Variants in ZFP3 observed in about 807,000 individuals in gnomAD.
ZFP3 encodes ZFP3 zinc finger protein.
Under a neutral mutation model 36.7 loss-of-function variants are expected in ZFP3, and 18 were observed. The ratio of observed to expected loss-of-function variants is 0.49; its 90% CI spans 0.34 to 0.73. The LOEUF (loss-of-function observed/expected upper bound fraction) is 0.73, where lower values mean the gene tolerates loss of function less well. Ranked by LOEUF, ZFP3 falls within the 30% of genes least tolerant of loss-of-function variation. ZFP3 has a pLI of 0.01. For synonymous variants in ZFP3, 218 were observed against 199.0 expected (o/e 1.10, Z -0.81); for missense variants, 495 against 599.0 (o/e 0.83, Z 1.81).
intron 1 of ZFP3, among the ~76,000 whole-genome samples, chr17:5,081,950 G>A (rs1314318322): frequency 2.0e-5 from 3 of 146,830 alleles, no homozygotes; most frequent in African/African-American, 7.4e-5. Flanking sequence ...GGTGGCTCAC[G>A]CCTGTAATCC....
chr17:5,088,551 T>A (rs1055843019), intron 1 of ZFP3, among the ~76,000 whole-genome samples: 2 of 151,550 alleles, frequency 1.3e-5, no homozygotes, highest in Admixed American at 1.3e-4. Context: ...CCTGATCTCG[T>A]GATCCTCCCG....
At position 5,093,668 on chromosome 17, in the gene ZFP3, C is replaced by T. The variant is rs937438445; in HGVS notation, c.*655C>T. 11 of 167,078 alleles carry T rather than the reference C, an allele frequency of 6.6e-5. No homozygotes were observed. The highest frequency in any genetic ancestry group is 1.3e-4 in the Non-Finnish European group (9 of 68,138). The allele number at this position is 167,078 out of a possible 1,614,324, so 10.3% of individuals were successfully genotyped here. ...AGTAAGCTGTTATTAGCTTCAAAGT[C>T]GTCCAGCCCTGCTATGAAGTTACTT... On this transcript the variant is annotated 3_prime_UTR_variant, in exon 2 of 2. Coordinates refer to ENST00000318833, the MANE Select transcript of ZFP3 (RefSeq NM_153018.3).
At chr17:5,082,028 A>G (rs1489643816) in intron 1 of ZFP3, among the ~76,000 whole-genome samples, 1 of 146,854 alleles carries the variant, frequency 6.8e-6, no homozygotes. Context: ...CCTGGCCAAC[A>G]TGGTGAAACC....
At chr17:5,086,724 C>CCTT (rs2072123044) in intron 1 of ZFP3, among the ~76,000 whole-genome samples, 1 of 110,668 alleles carries the variant, frequency 9.0e-6, no homozygotes, top group African/African-American at 3.7e-5. Context: ...CATTTTCTTT[C>CCTT]TTTTTTTTTT....
At position 5,093,255 on chromosome 17, in the gene ZFP3, G is replaced by C; in HGVS notation, c.*242G>C. ...TGCAGTGGCACAGTCGTAACTCACT[G>C]CTTCCTTGAACTCCTGGGCTCAAAC... On this transcript the variant is annotated 3_prime_UTR_variant, in exon 2 of 2. Coordinates refer to ENST00000318833, the MANE Select transcript of ZFP3 (RefSeq NM_153018.3). 1 of 419,728 alleles carries C rather than the reference G, an allele frequency of 2.4e-6. No homozygotes were observed. Among genetic ancestry groups the C allele is most frequent in the East Asian group, 3.9e-5 (1 of 25,354 alleles). The allele number at this position is 419,728 out of a possible 1,614,324, so 26.0% of individuals were successfully genotyped here.
chr17:5,092,679 C>T lies in ZFP3; in HGVS notation c.1175C>T (p.Pro392Leu). 1 of 1,614,094 alleles carries T rather than the reference C, an allele frequency of 6.2e-7. No homozygotes were observed. The highest frequency in any genetic ancestry group is 8.5e-7 in the Non-Finnish European group (1 of 1,180,022). The change falls in exon 2 of 2, where the codon CCC becomes CTC. Residue 392 changes from proline (P) to leucine (L), a missense_variant. Transcript: ENST00000318833. The surrounding 1 kb of genome is among the most constrained non-coding windows in gnomAD (Gnocchi z 5.0). ...RHERIHTGEK[P>L]YECFECGKAF... ...GAGAGAATTCACACTGGAGAGAAAC[C>T]CTATGAATGCTTTGAGTGTGGAAAG...
chr17:5,080,822 C>T (rs1198171354), intron 1 of ZFP3, among the ~76,000 whole-genome samples: 2 of 152,134 alleles, frequency 1.3e-5, no homozygotes, highest in East Asian at 3.9e-4. Flanking sequence ...TTCCACCACA[C>T]ATCTCCCTGG....
chr17:5,079,613 G>C (rs187721809), intron 1 of ZFP3, among the ~76,000 whole-genome samples: 1 of 152,344 alleles, frequency 6.6e-6, no homozygotes, highest in East Asian at 1.9e-4. Flanking sequence ...AGAATACCAG[G>C]ATGAATGGAA....
At chr17:5,083,531 G>T (rs868747347) in intron 1 of ZFP3, among the ~76,000 whole-genome samples, 61 of 143,826 alleles carry the variant, frequency 4.2e-4, no homozygotes, top group Non-Finnish European at 2.4e-4. Context: ...GGGAACAAGA[G>T]TGAAACTCTA....
In ZFP3 at chr17:5,094,574, GAA is replaced by G; in HGVS notation, c.*1563_*1564del. The G allele has an allele frequency of 6.0e-6, 1 of 167,218 alleles. No homozygotes were observed. Among genetic ancestry groups the G allele is most frequent in the South Asian group, 2.1e-4 (1 of 4,832 alleles). The allele number at this position is 167,218 out of a possible 1,614,324, so 10.4% of individuals were successfully genotyped here. A position where few individuals can be genotyped will look rare whatever the true frequency, so the allele number is the denominator to read the frequency against. ...TCTCCAATTTTCTCCTCTGTAAAAT[GAA>G]AGAGTTGAACTAAGTGATCTCAAAA... On this transcript the variant is annotated 3_prime_UTR_variant, in exon 2 of 2. Transcript: ENST00000318833.
At chr17:5,079,593 C>A (rs1455292886) in intron 1 of ZFP3, among the ~76,000 whole-genome samples, 1 of 152,184 alleles carries the variant, frequency 6.6e-6, no homozygotes, top group Non-Finnish European at 1.5e-5. Context: ...CTGAAATATG[C>A]TAGGTACTCA....
In ZFP3 at chr17:5,092,628, G is replaced by A; in HGVS notation, c.1124G>A (p.Arg375Lys). The A allele has an allele frequency of 6.2e-7, 1 of 1,614,112 alleles. No individual in the cohort carries two copies. Among genetic ancestry groups the A allele is most frequent in the Non-Finnish European group, 8.5e-7 (1 of 1,180,014 alleles). ...TGTAAGGAATGTGGGAAGGCCTTCA[G>A]GGGGAACTCAGAACTTCTTAGACAT... The part of the protein sequence containing the change: ...YVCKECGKAF[R>K]GNSELLRHER... The change falls in exon 2 of 2, where the codon AGG becomes AAG. Residue 375 changes from arginine to lysine, a missense_variant. Arg to Lys is a conservative substitution (Grantham distance 26). Transcript: ENST00000318833. This position sits in a 1 kb window ranked among gnomAD's most constrained non-coding sequence, Gnocchi z 5.0.
chr17:5,081,093 C>CTTTTTTTTTTT (rs71367880), intron 1 of ZFP3, among the ~76,000 whole-genome samples: 1 of 141,602 alleles, frequency 7.1e-6, no homozygotes, highest in Non-Finnish European at 1.5e-5. Flanking sequence ...TGTTTCTGTT[C>CTTTTTTTTTTT]TTTTTTTTTT....
intron 1 of ZFP3, among the ~76,000 whole-genome samples, chr17:5,081,093 C>CTTTTT (rs71367880): frequency 7.1e-6 from 1 of 141,600 alleles, no homozygotes; most frequent in Non-Finnish European, 1.5e-5. Flanking sequence ...TGTTTCTGTT[C>CTTTTT]TTTTTTTTTT....
chr17:5,081,532 C>T (rs1382767307), intron 1 of ZFP3, among the ~76,000 whole-genome samples: 1 of 152,112 alleles, frequency 6.6e-6, no homozygotes. Context: ...TAAGAATGGG[C>T]CTGTGGCCTG....
intron 1 of ZFP3, among the ~76,000 whole-genome samples, chr17:5,087,158 G>A (rs918374001): frequency 4.4e-5 from 6 of 136,326 alleles, no homozygotes; most frequent in Admixed American, 1.6e-4. Context: ...ATAGGTTACC[G>A]CAGCCTCTAC....
chr17:5,092,817 T>A lies in ZFP3; in HGVS notation c.1313T>A (p.Leu438His). The change falls in exon 2 of 2, where the codon CTC becomes CAC. Residue 438 changes from leucine to histidine, a missense_variant. By Grantham distance (99) the Leu-to-His change is moderately conservative. Transcript: ENST00000318833. The surrounding 1 kb of genome is among the most constrained non-coding windows in gnomAD (Gnocchi z 5.0). Reference sequence around the variant, plus strand: ...TTTTGGGATAATTCTGAGCTGCTTCTCCACCAGAAAATTCATATTGGAGAG... The same window carrying A: ...TTTTGGGATAATTCTGAGCTGCTTCACCACCAGAAAATTCATATTGGAGAG... Reference protein sequence around the residue: ...RTFWDNSELLLHQKIHIGEKP... With the variant: ...RTFWDNSELLHHQKIHIGEKP... 1 of 1,614,136 alleles carries A rather than the reference T, an allele frequency of 6.2e-7. No individual in the cohort carries two copies.
chr17:5,095,727 ACTT>A lies in ZFP3; in HGVS notation c.*2718_*2720del, dbSNP rs2072177704. The stretch of plus-strand genomic sequence containing the variant: ...CCCCTCTCAAGGCTCAGTCACCTCA[ACTT>A]CTTTTTGCCTACTAGATATCCAATC... On this transcript the variant is annotated 3_prime_UTR_variant, in exon 2 of 2. Transcript: ENST00000318833. 1 of 165,542 alleles carries A rather than the reference ACTT, an allele frequency of 6.0e-6. No individual in the cohort carries two copies. The highest frequency in any genetic ancestry group is 2.4e-5 in the African/African-American group (1 of 40,872). 10.3% of individuals were successfully genotyped at this position (165,542 alleles called of 1,614,324 possible).
At chr17:5,079,364 A>G (rs2072081749) in intron 1 of ZFP3, among the ~76,000 whole-genome samples, 1 of 152,128 alleles carries the variant, frequency 6.6e-6, no homozygotes, top group South Asian at 2.1e-4. Context: ...TGTACAAAAA[A>G]CAAAGAAATT....
Sources: allele counts gnomAD v4.1 joint callset (sites outside exome capture counted in the v4.1 genomes callset), GRCh38; gene constraint gnomAD v4.1.1; non-coding constraint Gnocchi (gnomAD v3.1); transcripts MANE v1.5; gene names NCBI Gene and HGNC (gene_info 2026-07-23, HGNC 2026-07-21).